The following BAHCC1 variants were observed in gnomAD, a reference collection of about 807,000 sequenced individuals.
BAHCC1 encodes BAH and coiled-coil domain-containing protein 1.
A neutral mutation model predicts 88.2 loss-of-function variants in BAHCC1; 43 were observed. The ratio of observed to expected loss-of-function variants is 0.49; its 90% confidence interval spans 0.38 to 0.63. The LOEUF (loss-of-function observed/expected upper bound fraction) is 0.63, where lower values mean the gene tolerates loss of function less well. Ranked by LOEUF, BAHCC1 falls within the 20% of genes least tolerant of loss-of-function variation. The probability of loss-of-function intolerance (pLI) is 0.00; values close to 1 mark genes in which losing one functional copy is unlikely to be tolerated. For missense variants in BAHCC1, 3,023 were observed against 1,654.8 expected, an observed-to-expected ratio of 1.83 and a Z score of -14.34; for synonymous variants, 1,510 against 745.5, an observed-to-expected ratio of 2.03 and a Z score of -16.71.
chr17:81,406,989 G>T (rs566715844), intron 2 of BAHCC1: 5 of 456,182 alleles, frequency 1.1e-5, no homozygotes. Context: ...GGACAAACAG[G>T]TGGGCTGGGT....
In BAHCC1 at chr17:81,459,538, G is replaced by A; in HGVS notation, c.5839G>A (p.Gly1947Ser). 1.3e-6 allele frequency: 1 copy of A among 779,648 alleles called. No homozygotes were observed. Among genetic ancestry groups the A allele is most frequent in the Non-Finnish European group, 2.4e-6 (1 of 417,878 alleles). The allele number at this position is 779,648 out of a possible 1,614,324, so 48.3% of individuals were successfully genotyped here. The change falls in exon 23 of 28, where the codon GGC (glycine) becomes AGC (serine). Residue 1947 changes from glycine (G) to serine (S), a missense_variant. By Grantham distance (56) the Gly-to-Ser change is moderately conservative (BLOSUM62 0). Coordinates refer to ENST00000675386, the MANE Select transcript of BAHCC1 (RefSeq NM_001377448.1). ...RPQSSRYLPP[G>S]TRVCAYWSQK... ...ACAGTCCAGCCGGTACCTCCCGCCC[G>A]GCACGCGGGTCTGCGCCTACTGGAG...
In BAHCC1 at chr17:81,442,346, G is replaced by T. The variant is rs1372880568; in HGVS notation, c.997G>T (p.Ala333Ser). 23 of 697,748 alleles carry T rather than the reference G, an allele frequency of 3.3e-5. 1 individual carries two copies. The allele number at this position is 697,748 out of a possible 1,614,324, so 43.2% of individuals were successfully genotyped here. Reference protein sequence around the residue: ...EAAGPPEPGPAFSECLERRQM... With the variant: ...EAAGPPEPGPSFSECLERRQM... ...AGCAGGCCCCCCGGAGCCCGGGCCG[G>T]CCTTCAGCGAGTGCCTGGAGCGGCG... Residue 333 changes from alanine to serine, a missense_variant, in exon 5 of 28, where the codon GCC becomes TCC. Transcript: ENST00000675386.
intron 2 of BAHCC1, chr17:81,403,122 G>GGC (rs2063836968): frequency 6.6e-6 from 1 of 152,244 alleles, no homozygotes; most frequent in Non-Finnish European, 1.5e-5. Context: ...CACTGGGGCT[G>GGC]GCGCCTCTGC....
intron 3 of BAHCC1, among the ~76,000 whole-genome samples, chr17:81,433,708 G>A (rs184357565): frequency 6.7e-4 from 102 of 151,214 alleles, no homozygotes; most frequent in African/African-American, 2.3e-3. Context: ...TCAGTCCACC[G>A]AGGCCCCTCC....
Position 81,443,579 on chromosome 17 carries a change from C to A in BAHCC1, c.2215+15C>A. The A allele has an allele frequency of 1.6e-6, 1 of 625,114 alleles. No homozygotes were observed. The highest frequency in any genetic ancestry group is 2.9e-6 in the Non-Finnish European group (1 of 345,736). 38.7% of individuals were successfully genotyped at this position (625,114 alleles called of 1,614,324 possible). On this transcript the variant is annotated intron_variant, in intron 5 of 27. Transcript: ENST00000675386. The stretch of plus-strand genomic sequence containing the variant: ...CGCCTTCAAAGGTACAGGCCCTGCA[C>A]AGAGAGGGAGGCAGGCCGGGACAGT...
In BAHCC1 at chr17:81,411,584, C is replaced by G. The variant is rs1555647884; in HGVS notation, c.178+11667C>G. ...CCTTCCTTCCTTCCTTGAGAGGCCTCTCTACCCAGCACCCACGAAGACGGG... is the reference window on the plus strand; with the variant it reads ...CCTTCCTTCCTTCCTTGAGAGGCCTGTCTACCCAGCACCCACGAAGACGGG... On this transcript the variant is annotated intron_variant, in intron 2 of 27. Transcript: ENST00000675386. The surrounding 1 kb of genome is among the most constrained non-coding windows in gnomAD (Gnocchi z 6.2). The G allele has an allele frequency of 4.5e-6, 2 of 439,852 alleles. No homozygotes were observed. The highest frequency in any genetic ancestry group is 1.5e-4 in the East Asian group (2 of 13,730). 27.2% of individuals were successfully genotyped at this position (439,852 alleles called of 1,614,324 possible).
intron 2 of BAHCC1, chr17:81,407,268 G>T (rs775321215): frequency 2.2e-5 from 11 of 507,302 alleles, no homozygotes; most frequent in Non-Finnish European, 4.4e-5. Flanking sequence ...CTGAAGCGGA[G>T]GGTGACATTG....
In BAHCC1 at chr17:81,415,426, C is replaced by T. The variant is rs138091284; in HGVS notation, c.179-11374C>T. ...GACACAGAGTTTGGCAGGGGGCATA[C>T]GTCCCCCTGGAAGGGTAACGCGAGC... On this transcript the variant is annotated intron_variant, in intron 2 of 27. Transcript: ENST00000675386. 1.5e-3 allele frequency: 606 copies of T among 400,302 alleles called. 2 individuals are homozygous for T. The Middle Eastern group carries it at 0.026, about 17-fold the overall frequency. The allele number at this position is 400,302 out of a possible 1,614,324, so 24.8% of individuals were successfully genotyped here. A position where few individuals can be genotyped will look rare whatever the true frequency, so the allele number is the denominator to read the frequency against.
At chr17:81,460,484 AC>A in intron 24 of BAHCC1, 45 bp from the exon 25 acceptor site, 1 of 725,334 alleles carries the variant, frequency 1.4e-6, no homozygotes, top group Non-Finnish European at 2.6e-6. Flanking sequence ...GGTGGCAGTC[AC>A]CCCACAGCCA....
At chr17:81,409,045 C>G (rs1414021734) in intron 2 of BAHCC1, among the ~76,000 whole-genome samples, 2 of 152,232 alleles carry the variant, frequency 1.3e-5, no homozygotes, top group Admixed American at 1.3e-4. Context: ...GAACGATTAA[C>G]TCTGGGAAAA....
At position 81,403,266 on chromosome 17, in the gene BAHCC1, C is replaced by T. The variant is rs547078128; in HGVS notation, c.178+3349C>T. Among the ~76,000 whole-genome samples, 6 of 152,306 alleles carry T rather than the reference C, an allele frequency of 3.9e-5. No individual in the cohort carries two copies. The South Asian group carries it at 1.0e-3, about 26-fold the overall frequency. On this transcript the variant is annotated intron_variant, in intron 2 of 27. Transcript: ENST00000675386. ...CTCCCCTCTCCAGGGGCCAGGGCTC[C>T]ACCAAGGCACTATTTCTCATCTTGG...
chr17:81,420,301 T>C (rs1401929701), intron 2 of BAHCC1, among the ~76,000 whole-genome samples: 9 of 152,220 alleles, frequency 5.9e-5, no homozygotes, highest in African/African-American at 2.2e-4. Flanking sequence ...TGTAAGCCCA[T>C]GTGGCCAGCT....
chr17:81,461,467 G>T lies in BAHCC1; in HGVS notation c.6804G>T (p.Gly2268=). ...CACCCATCCCCCCGCTGCCCATGGGGCTGGCGCTGCGCAAGTACGCGGGCC... is the reference window on the plus strand; with the variant it reads ...CACCCATCCCCCCGCTGCCCATGGGTCTGGCGCTGCGCAAGTACGCGGGCC... ...GRAPIPPLPM[G]LALRKYAGQA... Residue 2268 remains glycine, a synonymous_variant, in exon 26 of 28, where the codon GGG becomes GGT. Transcript: ENST00000675386. 1.3e-6 allele frequency: 1 copy of T among 743,940 alleles called. No homozygotes were observed. The highest frequency in any genetic ancestry group is 2.5e-6 in the Non-Finnish European group (1 of 401,614). The allele number at this position is 743,940 out of a possible 1,614,324, so 46.1% of individuals were successfully genotyped here. A position where few individuals can be genotyped will look rare whatever the true frequency, so the allele number is the denominator to read the frequency against.
At chr17:81,424,420 C>T (rs564849259) in intron 2 of BAHCC1, among the ~76,000 whole-genome samples, 8 of 152,330 alleles carry the variant, frequency 5.3e-5, no homozygotes, top group Middle Eastern at 3.4e-3. Context: ...GGGTGCTCTC[C>T]CTGTGAAGAG....
chr17:81,426,598 C>G (rs931198467), intron 2 of BAHCC1, among the ~76,000 whole-genome samples: 1 of 151,832 alleles, frequency 6.6e-6, no homozygotes, highest in Non-Finnish European at 1.5e-5. Flanking sequence ...CCAAAAGACT[C>G]AGGACTCTGA....
Position 81,399,620 on chromosome 17 carries a change from G to C in BAHCC1, c.-120G>C. 1.6e-6 allele frequency: 1 copy of C among 639,700 alleles called. No homozygotes were observed. The highest frequency in any genetic ancestry group is 2.0e-5 in the South Asian group (1 of 49,232). 39.6% of individuals were successfully genotyped at this position (639,700 alleles called of 1,614,324 possible). On this transcript the variant is annotated 5_prime_UTR_variant, in exon 2 of 28. Coordinates refer to ENST00000675386, the MANE Select transcript of BAHCC1 (RefSeq NM_001377448.1). The surrounding 1 kb of genome is among the most constrained non-coding windows in gnomAD (Gnocchi z 4.5). ...CTCCCGCGTGCTGACCGGCCCCGCC[G>C]CCACCACCGCCTGTGACCCCGGACG...
intron 2 of BAHCC1, chr17:81,421,823 C>T (rs1555649611): frequency 9.7e-6 from 2 of 205,906 alleles, no homozygotes; most frequent in African/African-American, 4.8e-5. Context: ...ACCCCAGTCC[C>T]TTGGGGGGGA....
In BAHCC1 at chr17:81,455,305, T is replaced by C; in HGVS notation, c.4484T>C (p.Leu1495Pro). ...RTSLGLLCAE[L>P]RGGSGGEPAK... ...AGCCTGGGTCTGCTGTGTGCGGAGC[T>C]GCGAGGAGGCAGTGGGGGCGAGCCT... is the stretch of plus-strand genomic sequence containing the variant. Residue 1495 changes from leucine to proline, a missense_variant, in exon 15 of 28, where the codon CTG becomes CCG. Physicochemically the swap from Leu to Pro is moderately conservative, Grantham distance 98. Transcript: ENST00000675386. The C allele has an allele frequency of 1.4e-6, 1 of 717,128 alleles. No homozygotes were observed. The highest frequency in any genetic ancestry group is 2.6e-6 in the Non-Finnish European group (1 of 385,318). 44.4% of individuals were successfully genotyped at this position (717,128 alleles called of 1,614,324 possible).
At position 81,399,787 on chromosome 17, in the gene BAHCC1, C is replaced by T; in HGVS notation, c.48C>T (p.Arg16=). 1 of 1,251,092 alleles carries T rather than the reference C, an allele frequency of 8.0e-7. No individual in the cohort carries two copies. Among genetic ancestry groups the T allele is most frequent in the Non-Finnish European group, 1.0e-6 (1 of 999,040 alleles). 77.5% of individuals were successfully genotyped at this position (1,251,092 alleles called of 1,614,324 possible). The change falls in exon 2 of 28, where the codon CGC becomes CGT. Residue 16 remains arginine (R), a synonymous_variant. Coordinates refer to ENST00000675386, the MANE Select transcript of BAHCC1 (RefSeq NM_001377448.1). The surrounding 1 kb of genome is among the most constrained non-coding windows in gnomAD (Gnocchi z 4.5). ...CGCCGCCGCATCTGCTGTCGGAGCG[C>T]GGGAGCCTGGGCCACCGCAGCGCCG... ...FAPPPHLLSE[R]GSLGHRSAAA...
Sources: gnomAD v4.1 joint callset for allele counts (sites outside exome capture counted in the v4.1 genomes callset) on GRCh38, gnomAD v4.1.1 for gene constraint, Gnocchi (gnomAD v3.1) non-coding constraint, MANE v1.5 for transcripts, NCBI Gene and HGNC (gene_info 2026-07-23, HGNC 2026-07-21) for gene names.